Variants in RASSF4 observed in about 807,000 individuals in gnomAD.
RASSF4 encodes the protein ras association domain-containing protein 4.
RASSF4 carries 38 observed loss-of-function variants against 41.1 expected under a neutral mutation model. The ratio of observed to expected loss-of-function variants is 0.92; its 90% confidence interval spans 0.71 to 1.21. The LOEUF is 1.21. RASSF4 is among the 50% of genes most tolerant of loss of function. The pLI, the probability that RASSF4 is intolerant of heterozygous loss-of-function variation, is 0.00. For synonymous variants in RASSF4, 179 were observed against 163.4 expected (o/e 1.10, Z -0.73); for missense variants, 414 against 419.4 (o/e 0.99, Z 0.11).
At chr10:44,963,026 C>T (rs1415413492) in intron 1 of RASSF4, among the ~76,000 whole-genome samples, 3 of 152,088 alleles carry the variant, frequency 2.0e-5, no homozygotes, top group African/African-American at 7.2e-5. Context: ...AGTGAGAGGC[C>T]AGAACCGCAG....
At chr10:44,963,972 C>T (rs1243544510) in intron 1 of RASSF4, among the ~76,000 whole-genome samples, 2 of 152,258 alleles carry the variant, frequency 1.3e-5, no homozygotes, top group African/African-American at 4.8e-5. Context: ...CCTCACTTCA[C>T]TCGGCATCTT....
intron 3 of RASSF4, chr10:44,978,069 G>A: frequency 3.2e-6 from 5 of 1,587,242 alleles, no homozygotes; most frequent in Non-Finnish European, 4.3e-6. Flanking sequence ...TTGGGAAACA[G>A]AAGCCTGGTG....
chr10:44,977,328 T>G, intron 3 of RASSF4: 1 of 1,503,982 alleles, frequency 6.6e-7, no homozygotes, highest in Non-Finnish European at 8.9e-7. Context: ...GTGACCACCA[T>G]GGAGGAGACG....
intron 6 of RASSF4, among the ~76,000 whole-genome samples, chr10:44,985,729 G>A (rs1254305706): frequency 2.0e-5 from 3 of 152,122 alleles, no homozygotes; most frequent in African/African-American, 7.2e-5. Flanking sequence ...GCTATCCAGG[G>A]GCCATTCAAG....
At chr10:44,986,365 A>G (rs1213169602) in intron 6 of RASSF4, among the ~76,000 whole-genome samples, 2 of 152,178 alleles carry the variant, frequency 1.3e-5, no homozygotes, top group African/African-American at 2.4e-5. Flanking sequence ...GCATGTCCTG[A>G]GCACTCTGCA....
chr10:44,975,123 G>C (rs1017716598), intron 3 of RASSF4, among the ~76,000 whole-genome samples: 3 of 151,942 alleles, frequency 2.0e-5, no homozygotes, highest in Non-Finnish European at 2.9e-5. Flanking sequence ...GCGCCCCCTG[G>C]TGACCGCGGG....
chr10:44,977,672 C>T, intron 3 of RASSF4: 2 of 1,612,932 alleles, frequency 1.2e-6, no homozygotes, highest in Non-Finnish European at 8.5e-7. Context: ...TGGCAGGTCC[C>T]TCTGGCTTGG....
chr10:44,978,064 A>C, intron 3 of RASSF4: 1 of 1,589,028 alleles, frequency 6.3e-7, no homozygotes, highest in South Asian at 1.1e-5. Flanking sequence ...ACCTGTTGGG[A>C]AACAGAAGCC....
chr10:44,993,557 C>G lies in RASSF4; in HGVS notation c.*228C>G. ...CCAGGCCTGAGGGGCCAGGAACTTG[C>G]TGGGTCAGATCTGTGTGGCCAGCCC... On this transcript the variant is annotated 3_prime_UTR_variant, in exon 11 of 11. Transcript: ENST00000340258. The G allele has an allele frequency of 1.8e-6, 1 of 570,214 alleles. No individual in the cohort carries two copies. Among genetic ancestry groups the G allele is most frequent in the Non-Finnish European group, 3.2e-6 (1 of 315,736 alleles). The allele number at this position is 570,214 out of a possible 1,614,324, so 35.3% of individuals were successfully genotyped here.
At chr10:44,975,568 C>A (rs1329247669) in intron 3 of RASSF4, among the ~76,000 whole-genome samples, 1 of 129,548 alleles carries the variant, frequency 7.7e-6, no homozygotes, top group Non-Finnish European at 1.7e-5. Flanking sequence ...ACTCCCCTCT[C>A]TACCTCCCTT....
intron 1 of RASSF4, among the ~76,000 whole-genome samples, chr10:44,962,931 A>C (rs1159721280): frequency 6.6e-6 from 1 of 152,200 alleles, no homozygotes; most frequent in African/African-American, 2.4e-5. Context: ...TGCGATCTAC[A>C]TGGCTGCTCA....
chr10:44,989,529 A>G, intron 7 of RASSF4, 141 bp from the exon 8 acceptor site: 2 of 970,046 alleles, frequency 2.1e-6, no homozygotes, highest in East Asian at 2.5e-5. Flanking sequence ...CTCGGATTTC[A>G]AGCAAGAGGA....
In RASSF4 at chr10:44,994,875, T is replaced by C. The variant is rs955670780; in HGVS notation, c.*1546T>C. ...GGAGCCGACATGACTCCTTCATTTCTGTGCATGCCCTGGGGACTAGGGTGG... is the reference window on the plus strand; with the variant it reads ...GGAGCCGACATGACTCCTTCATTTCCGTGCATGCCCTGGGGACTAGGGTGG... On this transcript the variant is annotated 3_prime_UTR_variant, in exon 11 of 11. Transcript: ENST00000340258. 3 of 152,146 alleles carry C rather than the reference T, an allele frequency of 2.0e-5. No homozygotes were observed. Among genetic ancestry groups the C allele is most frequent in the African/African-American group, 7.2e-5 (3 of 41,426 alleles). The allele number at this position is 152,146 out of a possible 1,614,324, so 9.4% of individuals were successfully genotyped here. A position where few individuals can be genotyped will look rare whatever the true frequency, so the allele number is the denominator to read the frequency against.
intron 5 of RASSF4, chr10:44,984,439 C>T: frequency 2.0e-6 from 1 of 491,112 alleles, no homozygotes; most frequent in Non-Finnish European, 3.6e-6. Context: ...CCTCTGCGAC[C>T]TCGTCCTCAC....
intron 9 of RASSF4, 84 bp downstream of exon 9, chr10:44,991,153 A>G: frequency 7.5e-7 from 1 of 1,341,822 alleles, no homozygotes; most frequent in Non-Finnish European, 1.0e-6. Flanking sequence ...TCCTGGCCAG[A>G]GCCCTGTCAG....
intron 10 of RASSF4, among the ~76,000 whole-genome samples, chr10:44,992,828 A>G (rs368116324): frequency 6.8e-4 from 104 of 152,290 alleles, no homozygotes; most frequent in African/African-American, 2.5e-3. Flanking sequence ...GGAATCTTCC[A>G]TTCTGCAGTC....
chr10:44,979,693 T>G (rs913569536), intron 3 of RASSF4, among the ~76,000 whole-genome samples: 3 of 151,874 alleles, frequency 2.0e-5, no homozygotes, highest in African/African-American at 4.8e-5. Flanking sequence ...CGGACAGACA[T>G]GCTCAGGGCA....
intron 4 of RASSF4, chr10:44,983,429 G>A (rs970000320): frequency 1.2e-5 from 2 of 173,804 alleles, no homozygotes; most frequent in Non-Finnish European, 2.5e-5. Flanking sequence ...TGACTCACAT[G>A]TGCCCCTCTT....
intron 1 of RASSF4, among the ~76,000 whole-genome samples, chr10:44,962,931 A>G (rs1159721280): frequency 6.6e-6 from 1 of 152,200 alleles, no homozygotes; most frequent in Non-Finnish European, 1.5e-5. Flanking sequence ...TGCGATCTAC[A>G]TGGCTGCTCA....
Sources: gnomAD v4.1 joint callset for allele counts (sites outside exome capture counted in the v4.1 genomes callset) on GRCh38, gnomAD v4.1.1 for gene constraint, MANE v1.5 for transcripts, NCBI Gene and HGNC (gene_info 2026-07-23, HGNC 2026-07-21) for gene names.